WDR7: variants seen among roughly 807,000 people sequenced by gnomAD.
WDR7 encodes the protein WD repeat-containing protein 7.
A neutral mutation model predicts 169.4 loss-of-function variants in WDR7; 46 were observed. That is an observed-to-expected ratio of 0.27 (90% CI 0.21 to 0.35). The LOEUF (loss-of-function observed/expected upper bound fraction) is 0.35, where lower values mean the gene tolerates loss of function less well. WDR7 is among the 10% of genes least tolerant of loss of function. WDR7 has a pLI of 1.00. For synonymous variants in WDR7, 612 were observed against 666.8 expected (o/e 0.92, Z 1.27); for missense variants, 1,534 against 1,859.3 (o/e 0.83, Z 3.22).
At chr18:56,994,800 G>C (rs1236297455) in intron 26 of WDR7, among the ~76,000 whole-genome samples, 1 of 152,102 alleles carries the variant, frequency 6.6e-6, no homozygotes, top group Non-Finnish European at 1.5e-5. Context: ...CCCACTAATA[G>C]CATAGCTTCT....
At chr18:56,668,759 A>G (rs183228976) in intron 1 of WDR7, among the ~76,000 whole-genome samples, 1 of 152,362 alleles carries the variant, frequency 6.6e-6, no homozygotes, top group Non-Finnish European at 1.5e-5. Context: ...TGACAAGCAT[A>G]CACAGTAATA....
At chr18:56,832,273 A>G (rs947980012) in intron 20 of WDR7, among the ~76,000 whole-genome samples, 5 of 152,224 alleles carry the variant, frequency 3.3e-5, no homozygotes, top group African/African-American at 4.8e-5. Context: ...GCCACTGTAG[A>G]AAGACTGCCT....
intron 16 of WDR7, among the ~76,000 whole-genome samples, chr18:56,767,993 C>T (rs886342857): frequency 2.0e-5 from 3 of 152,180 alleles, no homozygotes; most frequent in African/African-American, 7.2e-5. Flanking sequence ...TTATCCTCCT[C>T]ATCATCTTCA....
intron 1 of WDR7, among the ~76,000 whole-genome samples, chr18:56,660,578 A>G (rs559866422): frequency 6.6e-6 from 1 of 151,892 alleles, no homozygotes; most frequent in African/African-American, 2.4e-5. Context: ...ATGAGGCTTG[A>G]TGAGATCATT....
At chr18:56,836,531 G>A (rs546158617) in intron 20 of WDR7, among the ~76,000 whole-genome samples, 174 of 152,312 alleles carry the variant, frequency 1.1e-3, no homozygotes, top group Non-Finnish European at 1.9e-3. Flanking sequence ...ACTAGCAATT[G>A]CTATTGTATA....
At chr18:56,982,259 G>A (rs1308522484) in intron 26 of WDR7, among the ~76,000 whole-genome samples, 1 of 152,146 alleles carries the variant, frequency 6.6e-6, no homozygotes, top group East Asian at 1.9e-4. Flanking sequence ...GGATTTCAAA[G>A]GCACCCAGCT....
Position 57,022,517 on chromosome 18 carries a change from C to A in WDR7, c.4269+1668C>A, listed in dbSNP as rs555532990. On this transcript the variant is annotated intron_variant, in intron 27 of 27. Coordinates refer to ENST00000254442, the MANE Select transcript of WDR7 (RefSeq NM_015285.3). ...CAAAACATCTCTTTTTTCCAACTTT[C>A]TTTCTGCTAAGAAAACATAATTTCT... Among the ~76,000 whole-genome samples the A allele has an allele frequency of 1.1e-3, 175 of 152,290 alleles. 2 individuals are homozygous for A. The highest frequency in any genetic ancestry group is 3.9e-3 in the African/African-American group (164 of 41,564).
intron 27 of WDR7, among the ~76,000 whole-genome samples, chr18:57,022,177 A>T (rs796122032): frequency 2.6e-5 from 4 of 152,298 alleles, no homozygotes; most frequent in African/African-American, 9.6e-5. Flanking sequence ...GTGTCCAGAA[A>T]CTGGGCTTTT....
At chr18:56,895,540 G>T (rs2145543913) in intron 21 of WDR7, among the ~76,000 whole-genome samples, 2 of 151,370 alleles carry the variant, frequency 1.3e-5, no homozygotes, top group Middle Eastern at 6.8e-3. Context: ...TTAAAATGAT[G>T]CTCAAATTTA....
chr18:56,972,331 A>G (rs995934757), intron 26 of WDR7, among the ~76,000 whole-genome samples: 1 of 152,210 alleles, frequency 6.6e-6, no homozygotes, highest in Non-Finnish European at 1.5e-5. Context: ...TCTTGTGGAC[A>G]GTAAGATTGA....
chr18:56,916,190 C>T (rs959500663), intron 21 of WDR7, among the ~76,000 whole-genome samples: 13 of 152,078 alleles, frequency 8.5e-5, no homozygotes, highest in Admixed American at 8.5e-4. Flanking sequence ...CACAGGTATA[C>T]GTGTGCCATG....
intron 1 of WDR7, among the ~76,000 whole-genome samples, chr18:56,660,815 G>A (rs1381715912): frequency 1.3e-5 from 2 of 152,222 alleles, no homozygotes; most frequent in Non-Finnish European, 2.9e-5. Context: ...GGTCAAGTAA[G>A]ATAAGGGTTA....
At chr18:56,676,289 A>G (rs1385169552) in intron 2 of WDR7, among the ~76,000 whole-genome samples, 1 of 152,084 alleles carries the variant, frequency 6.6e-6, no homozygotes, top group Non-Finnish European at 1.5e-5. Context: ...TCTTGTAGGC[A>G]AGAGATCATT....
intron 26 of WDR7, among the ~76,000 whole-genome samples, chr18:56,970,234 T>G (rs1375443011): frequency 6.9e-6 from 1 of 145,898 alleles, no homozygotes; most frequent in African/African-American, 2.7e-5. Flanking sequence ...TTTTTTTGGT[T>G]TGTTTTTTTT....
intron 20 of WDR7, among the ~76,000 whole-genome samples, chr18:56,845,927 A>G (rs969893015): frequency 6.6e-6 from 1 of 152,238 alleles, no homozygotes; most frequent in Non-Finnish European, 1.5e-5. Context: ...GAAATAATTA[A>G]ATAAGATTAT....
At chr18:56,775,586 G>T (rs892119190) in intron 16 of WDR7, among the ~76,000 whole-genome samples, 40 of 152,162 alleles carry the variant, frequency 2.6e-4, no homozygotes, top group African/African-American at 6.0e-4. Flanking sequence ...ACAAAAATCA[G>T]ATCTCTTATA....
At chr18:56,922,763 C>T (rs1351142097) in intron 21 of WDR7, among the ~76,000 whole-genome samples, 2 of 152,144 alleles carry the variant, frequency 1.3e-5, no homozygotes, top group Non-Finnish European at 2.9e-5. Context: ...GACTCTTATC[C>T]TGGCTTTACA....
intron 25 of WDR7, among the ~76,000 whole-genome samples, 173 bp downstream of exon 25, chr18:56,939,566 T>C (rs955492588): frequency 2.6e-5 from 4 of 152,124 alleles, no homozygotes; most frequent in African/African-American, 9.6e-5. Context: ...AAAAATATAG[T>C]AGAGTTAGCT....
At chr18:56,683,998 G>A (rs992437320) in intron 5 of WDR7, among the ~76,000 whole-genome samples, 13 of 152,100 alleles carry the variant, frequency 8.5e-5, no homozygotes, top group African/African-American at 3.1e-4. Flanking sequence ...GTGCAAGATG[G>A]AAAAATAGTA....
Sources: allele counts gnomAD v4.1 joint callset (sites outside exome capture counted in the v4.1 genomes callset), GRCh38; gene constraint gnomAD v4.1.1; transcripts MANE v1.5; gene names NCBI Gene and HGNC (gene_info 2026-07-23, HGNC 2026-07-21).